LRRC4C: variants seen among roughly 807,000 people sequenced by gnomAD.
LRRC4C encodes the protein leucine rich repeat containing 4C, also known as leucine-rich repeat-containing protein 4C.
In LRRC4C, 5 loss-of-function variants were observed where a neutral mutation model predicts 33.6. That is an observed-to-expected ratio of 0.15 (90% CI 0.08 to 0.31). The LOEUF (loss-of-function observed/expected upper bound fraction) is 0.31. LRRC4C is among the 10% of genes least tolerant of loss of function. The pLI, the probability that LRRC4C is intolerant of heterozygous loss-of-function variation, is 1.00. For synonymous variants in LRRC4C, 329 were observed against 302.0 expected (o/e 1.09, Z -0.93); for missense variants, 560 against 796.7 (o/e 0.70, Z 3.58).
chr11:40,338,646 G>A (rs1946735401), intron 3 of LRRC4C, among the ~76,000 whole-genome samples: 1 of 152,024 alleles, frequency 6.6e-6, no homozygotes, highest in Non-Finnish European at 1.5e-5. Flanking sequence ...ACTTCTTTTG[G>A]TAATATTCTC....
intron 1 of LRRC4C, among the ~76,000 whole-genome samples, chr11:41,283,801 C>G (rs1949740947): frequency 6.6e-6 from 1 of 152,164 alleles, no homozygotes; most frequent in African/African-American, 2.4e-5. Flanking sequence ...ACTAGGCTGA[C>G]TAGTACTGGG....
At chr11:40,956,442 C>T (rs538902196) in intron 1 of LRRC4C, among the ~76,000 whole-genome samples, 1 of 151,722 alleles carries the variant, frequency 6.6e-6, no homozygotes, top group Admixed American at 6.6e-5. Context: ...TTCAGAAATA[C>T]TGGGCACTGT....
intron 3 of LRRC4C, among the ~76,000 whole-genome samples, chr11:40,353,082 G>A (rs527372747): frequency 6.6e-6 from 1 of 152,178 alleles, no homozygotes; most frequent in Non-Finnish European, 1.5e-5. Flanking sequence ...TCTTCTTGGT[G>A]CTCTATAATG....
chr11:40,891,558 A>G (rs1305196256), intron 2 of LRRC4C, among the ~76,000 whole-genome samples: 1 of 152,174 alleles, frequency 6.6e-6, no homozygotes, highest in African/African-American at 2.4e-5. Context: ...CTCTACAGGA[A>G]AAAATCTAAT....
intron 1 of LRRC4C, among the ~76,000 whole-genome samples, chr11:41,287,523 G>A (rs12418738): frequency 6.6e-6 from 1 of 151,968 alleles, no homozygotes; most frequent in Admixed American, 6.6e-5. Context: ...AAAATCTATA[G>A]GGATCTTTTC....
At chr11:40,959,498 C>G (rs1174642554) in intron 1 of LRRC4C, among the ~76,000 whole-genome samples, 2 of 151,428 alleles carry the variant, frequency 1.3e-5, no homozygotes, top group Admixed American at 6.6e-5. Flanking sequence ...ATATTTAATG[C>G]CAAAATGTTA....
intron 1 of LRRC4C, among the ~76,000 whole-genome samples, chr11:41,110,260 T>C (rs1941752846): frequency 6.6e-6 from 1 of 152,062 alleles, no homozygotes. Context: ...TATTATTTAC[T>C]ACATGTGGCT....
chr11:41,041,098 A>G (rs1857405122), intron 1 of LRRC4C, among the ~76,000 whole-genome samples: 1 of 152,192 alleles, frequency 6.6e-6, no homozygotes, highest in African/African-American at 2.4e-5. Flanking sequence ...TTTTTAAGAA[A>G]GGAGAACCAT....
intron 3 of LRRC4C, among the ~76,000 whole-genome samples, chr11:40,548,008 C>T (rs1332351465): frequency 6.6e-6 from 1 of 151,922 alleles, no homozygotes; most frequent in Non-Finnish European, 1.5e-5. Context: ...GCAATAAACA[C>T]GGAGAATCAG....
At chr11:41,114,845 T>G (rs1391179057) in intron 1 of LRRC4C, among the ~76,000 whole-genome samples, 4 of 151,998 alleles carry the variant, frequency 2.6e-5, no homozygotes, top group Admixed American at 2.6e-4. Flanking sequence ...GAATCAGAAA[T>G]GATATAAAAA....
intron 1 of LRRC4C, among the ~76,000 whole-genome samples, chr11:40,999,345 T>A (rs184921247): frequency 9.1e-4 from 139 of 152,242 alleles, no homozygotes; most frequent in African/African-American, 3.2e-3. Context: ...ATCCACATTT[T>A]AAAAAAATTA....
At chr11:40,712,687 C>T (rs1173806811) in intron 2 of LRRC4C, among the ~76,000 whole-genome samples, 1 of 152,054 alleles carries the variant, frequency 6.6e-6, no homozygotes, top group Non-Finnish European at 1.5e-5. Flanking sequence ...GGGTAAGATA[C>T]TGTCTCAGGA....
At chr11:40,780,129 G>T (rs766855345) in intron 2 of LRRC4C, among the ~76,000 whole-genome samples, 12 of 152,022 alleles carry the variant, frequency 7.9e-5, no homozygotes, top group Non-Finnish European at 1.3e-4. Context: ...AATATTAAAA[G>T]ATACACATCC....
At chr11:41,111,039 G>A (rs1045026834) in intron 1 of LRRC4C, among the ~76,000 whole-genome samples, 1 of 152,056 alleles carries the variant, frequency 6.6e-6, no homozygotes, top group Non-Finnish European at 1.5e-5. Flanking sequence ...CTACTTTGGA[G>A]AAGCACTGTG....
chr11:40,334,339 A>T (rs966525207), intron 3 of LRRC4C, among the ~76,000 whole-genome samples: 18 of 152,212 alleles, frequency 1.2e-4, no homozygotes, highest in African/African-American at 4.3e-4. Flanking sequence ...AAAAAAAAAA[A>T]GTAAGCCAAT....
chr11:40,195,089 T>A (rs1158560440), intron 5 of LRRC4C, among the ~76,000 whole-genome samples: 1 of 148,450 alleles, frequency 6.7e-6, no homozygotes, highest in Non-Finnish European at 1.5e-5. Context: ...AGACTCCGTC[T>A]CAAAGAAAAA....
Position 40,553,532 on chromosome 11 carries a change from G to A in LRRC4C, c.-270+94610C>T, listed in dbSNP as rs1354984168. On this transcript the variant is annotated intron_variant, in intron 3 of 6. Transcript: ENST00000528697. ...GCGTAAAACTCTAAGTAAGCATGAT[G>A]TTTCCATTCTATCAAAGGGAATTCT... Among the ~76,000 whole-genome samples the A allele has an allele frequency of 2.0e-5, 3 of 152,024 alleles. 1 individual carries two copies. The highest frequency in any genetic ancestry group is 4.4e-5 in the Non-Finnish European group (3 of 68,018).
intron 1 of LRRC4C, among the ~76,000 whole-genome samples, chr11:40,980,041 TGAAAG>T (rs1162036025): frequency 2.0e-5 from 3 of 152,182 alleles, no homozygotes; most frequent in Non-Finnish European, 4.4e-5. Context: ...CTGGTTGAAA[TGAAAG>T]GAAAGTGTCT....
chr11:40,145,176 CTT>C (rs1491271327), intron 5 of LRRC4C, among the ~76,000 whole-genome samples: 3 of 152,188 alleles, frequency 2.0e-5, no homozygotes, highest in South Asian at 4.1e-4. Flanking sequence ...GTGAAATAAA[CTT>C]ATATATAGAA....
Sources: gnomAD v4.1 joint callset for allele counts (sites outside exome capture counted in the v4.1 genomes callset) on GRCh38, gnomAD v4.1.1 for gene constraint, MANE v1.5 for transcripts, NCBI Gene and HGNC (gene_info 2026-07-23, HGNC 2026-07-21) for gene names.